POR: variants seen among roughly 807,000 people sequenced by gnomAD.
The protein encoded by POR is NADPH--cytochrome P450 reductase.
In POR, 56 loss-of-function variants were observed where a neutral mutation model predicts 84.0. The observed-to-expected ratio is 0.67, with a 90% CI of 0.54 to 0.83. The LOEUF (loss-of-function observed/expected upper bound fraction) is 0.83, where lower values mean the gene tolerates loss of function less well. Ranked by LOEUF, POR falls within the 40% of genes least tolerant of loss-of-function variation. POR has a pLI of 0.00. For missense variants in POR, 938 were observed against 944.3 expected (o/e 0.99, Z 0.09); for synonymous variants, 414 against 400.5 (o/e 1.03, Z -0.40).
intron 2 of POR, among the ~76,000 whole-genome samples, chr7:75,955,711 A>G (rs1554553670): frequency 6.6e-6 from 1 of 152,148 alleles, no homozygotes; most frequent in South Asian, 2.1e-4. Context: ...CTGCAGCCTT[A>G]GCTTGCACCC....
At chr7:75,966,268 C>T (rs1012546926) in intron 2 of POR, among the ~76,000 whole-genome samples, 1 of 152,186 alleles carries the variant, frequency 6.6e-6, no homozygotes, top group Non-Finnish European at 1.5e-5. Flanking sequence ...TCTCCAGCAG[C>T]TGCCCTCCCC....
intron 1 of POR, among the ~76,000 whole-genome samples, chr7:75,949,787 T>C (rs1349075202): frequency 5.9e-5 from 9 of 152,014 alleles, no homozygotes; most frequent in African/African-American, 2.2e-4. Flanking sequence ...CCCAAAGTGC[T>C]GGGATTACAG....
intron 1 of POR, among the ~76,000 whole-genome samples, chr7:75,952,926 C>T (rs1261824541): frequency 6.6e-6 from 1 of 151,880 alleles, no homozygotes; most frequent in East Asian, 1.9e-4. Flanking sequence ...GGGTGGCGGC[C>T]GGGCAGAGGC....
intron 1 of POR, among the ~76,000 whole-genome samples, chr7:75,920,558 G>T (rs1055156078): frequency 6.6e-6 from 1 of 152,046 alleles, no homozygotes; most frequent in South Asian, 2.1e-4. Flanking sequence ...CTATTTATCT[G>T]CCCTCCTTTT....
At chr7:75,980,748 G>A (rs1554557662) in intron 5 of POR, 3 of 1,468,492 alleles carry the variant, frequency 2.0e-6, no homozygotes, top group Middle Eastern at 2.0e-4. Flanking sequence ...CTGGACGACT[G>A]AGACCTGCCT....
intron 1 of POR, among the ~76,000 whole-genome samples, chr7:75,938,315 C>G (rs1170597492): frequency 1.3e-5 from 2 of 152,184 alleles, no homozygotes; most frequent in African/African-American, 4.8e-5. Flanking sequence ...ATTAGGGGTG[C>G]AGGCATCGTT....
chr7:75,926,890 C>G (rs146559020), intron 1 of POR, among the ~76,000 whole-genome samples: 2 of 152,258 alleles, frequency 1.3e-5, no homozygotes, highest in East Asian at 3.9e-4. Flanking sequence ...CACCCAGACA[C>G]GAGACCAATC....
chr7:75,981,204 C>A (rs1479619820), intron 6 of POR, 32 bp downstream of exon 6: 25 of 1,508,422 alleles, frequency 1.7e-5, no homozygotes, highest in Middle Eastern at 2.3e-4. Context: ...ATGATCAGCG[C>A]GGCGGGCTTA....
intron 1 of POR, among the ~76,000 whole-genome samples, chr7:75,927,598 G>A (rs1807194141): frequency 1.3e-5 from 2 of 152,060 alleles, no homozygotes; most frequent in Non-Finnish European, 2.9e-5. Flanking sequence ...TGCACAATGG[G>A]TGAATATAGT....
chr7:75,930,959 A>G (rs893476494), intron 1 of POR, among the ~76,000 whole-genome samples: 1 of 152,050 alleles, frequency 6.6e-6, no homozygotes, highest in African/African-American at 2.4e-5. Flanking sequence ...AGTAGCGGGG[A>G]CTACAGGTGT....
At position 75,980,521 on chromosome 7, in the gene POR, G is replaced by A. The variant is rs202109427; in HGVS notation, c.516+33G>A. On this transcript the variant is annotated intron_variant, in intron 5 of 15. Transcript: ENST00000461988. ...ACCCAGAGACTGCTATGGGCTCCCG[G>A]TGGCCTGCGGTGCCTCCCTGGGGAC... 262 of 1,612,692 alleles carry A rather than the reference G, an allele frequency of 1.6e-4. No homozygotes were observed. In the East Asian group the frequency reaches 5.8e-3, roughly 36 times the overall value.
chr7:75,972,492 A>G lies in POR; in HGVS notation c.237+31A>G, dbSNP rs781853166. On this transcript the variant is annotated intron_variant, in intron 3 of 15. Coordinates refer to ENST00000461988, the MANE Select transcript of POR (RefSeq NM_000941.3). ...TTTCCTGCATGTCTTTACTCTTCTC[A>G]GGAAGCCTCGGCCCCGATGGGCATG... 6 of 1,575,416 alleles carry G rather than the reference A, an allele frequency of 3.8e-6. No homozygotes were observed. In the Admixed American group the frequency reaches 1.1e-4, roughly 29 times the overall value.
chr7:75,923,446 G>C (rs1487585708), intron 1 of POR: 2 of 569,198 alleles, frequency 3.5e-6, no homozygotes. Context: ...AGCTGAACTA[G>C]AGCCAGGTGC....
chr7:75,949,668 C>A (rs1033823744), intron 1 of POR, among the ~76,000 whole-genome samples: 2 of 151,728 alleles, frequency 1.3e-5, no homozygotes, highest in East Asian at 3.9e-4. Flanking sequence ...TACAGGCATG[C>A]GCCACTGCAT....
Position 75,985,146 on chromosome 7 carries a change from A to ACCTGTGTGAGCTGCTG in POR, c.1340_1355dup (p.Arg453ValfsTer2). On this transcript the variant is annotated frameshift_variant, in exon 12 of 16. Transcript: ENST00000461988. LOFTEE classifies it high-confidence loss of function. The stretch of plus-strand genomic sequence containing the variant: ...CCGTCCCTGCGGCCCCCCATCGACC[A>ACCTGTGTGAGCTGCTG]CCTGTGTGAGCTGCTGCCGCGCCTG... 4 of 1,599,006 alleles carry ACCTGTGTGAGCTGCTG rather than the reference A, an allele frequency of 2.5e-6. No individual in the cohort carries two copies. The highest frequency in any genetic ancestry group is 3.4e-6 in the Non-Finnish European group (4 of 1,179,282).
At chr7:75,974,231 C>T (rs556231438) in intron 3 of POR, among the ~76,000 whole-genome samples, 1 of 152,078 alleles carries the variant, frequency 6.6e-6, no homozygotes, top group Non-Finnish European at 1.5e-5. Flanking sequence ...CAAAGCAGTC[C>T]CAGAAGTGGA....
intron 8 of POR, 141 bp downstream of exon 8, chr7:75,982,463 ACCTGTCCACGG>A: frequency 5.7e-6 from 4 of 701,726 alleles, no homozygotes; most frequent in Non-Finnish European, 9.8e-6. Flanking sequence ...AGTGTCCACG[ACCTGTCCACGG>A]CCCGGCCCCA....
chr7:75,941,710 G>T (rs1786925938), intron 1 of POR, among the ~76,000 whole-genome samples: 1 of 152,156 alleles, frequency 6.6e-6, no homozygotes. Context: ...GGTTGCGGTG[G>T]TTCACACCTG....
At chr7:75,970,593 C>G (rs1433095156) in intron 2 of POR, among the ~76,000 whole-genome samples, 1 of 151,810 alleles carries the variant, frequency 6.6e-6, no homozygotes, top group Non-Finnish European at 1.5e-5. Context: ...GTGATCCTCC[C>G]ACCTTGGTTT....
Sources: allele counts gnomAD v4.1 joint callset (sites outside exome capture counted in the v4.1 genomes callset), GRCh38; gene constraint gnomAD v4.1.1; transcripts MANE v1.5; gene names NCBI Gene and HGNC (gene_info 2026-07-23, HGNC 2026-07-21).